Variants in PDE8B observed in about 807,000 individuals in gnomAD.
The protein encoded by PDE8B is phosphodiesterase 8B, also known as high affinity cAMP-specific and IBMX-insensitive 3',5'-cyclic phosphodiesterase 8B.
PDE8B carries 26 observed loss-of-function variants against 101.3 expected under a neutral mutation model. The observed-to-expected ratio is 0.26, with a 90% CI of 0.19 to 0.36. PDE8B has a LOEUF of 0.36. Among genes scored for constraint, PDE8B ranks in the 10% least tolerant of loss-of-function variants. The pLI is 1.00. For missense variants in PDE8B, 810 were observed against 1,163.1 expected, an observed-to-expected ratio of 0.70 and a Z score of 4.42; for synonymous variants, 424 against 429.3, an observed-to-expected ratio of 0.99 and a Z score of 0.15.
the PDE8B span, among the ~76,000 whole-genome samples, chr5:77,148,910 C>T: frequency 6.6e-6 from 1 of 152,122 alleles, no homozygotes; most frequent in African/African-American, 2.4e-5. Flanking sequence ...CTTCCTTTAA[C>T]TGTCATGATT....
chr5:77,378,010 A>C (rs1042768292), intron 10 of PDE8B, among the ~76,000 whole-genome samples: 10 of 23,614 alleles, frequency 4.2e-4, no homozygotes, highest in East Asian at 6.0e-3. Context: ...CTCTCTCTCT[A>C]CACACACACA....
intron 7 of PDE8B, among the ~76,000 whole-genome samples, chr5:77,347,159 T>TTACTTGCCA (rs1395427082): frequency 1.3e-5 from 2 of 152,262 alleles, no homozygotes; most frequent in African/African-American, 2.4e-5. Flanking sequence ...CACTTAATTG[T>TTACTTGCCA]TACTTGCCAT....
chr5:77,093,096 G>T, the PDE8B span, among the ~76,000 whole-genome samples: 1 of 152,192 alleles, frequency 6.6e-6, no homozygotes, highest in East Asian at 1.9e-4. Context: ...AGTAATGCTA[G>T]CCTCATAAAG....
the PDE8B span, among the ~76,000 whole-genome samples, chr5:77,177,974 G>T: frequency 1.3e-4 from 20 of 152,332 alleles, no homozygotes; most frequent in East Asian, 3.7e-3. Flanking sequence ...GGGGACTACT[G>T]TATGTGCAAA....
At chr5:77,351,214 T>C (rs985372419) in intron 9 of PDE8B, 61 bp downstream of exon 9, 13 of 1,258,608 alleles carry the variant, frequency 1.0e-5, no homozygotes, top group African/African-American at 1.5e-5. Flanking sequence ...CTCATGGGCA[T>C]TGGGCTTGAA....
intron 3 of PDE8B, among the ~76,000 whole-genome samples, chr5:77,325,987 C>G (rs1203228801): frequency 6.6e-6 from 1 of 152,074 alleles, no homozygotes; most frequent in Non-Finnish European, 1.5e-5. Flanking sequence ...AGGGTATTCC[C>G]CCCACCCTGT....
intron 10 of PDE8B, among the ~76,000 whole-genome samples, chr5:77,376,843 G>A (rs949423020): frequency 1.3e-5 from 2 of 152,074 alleles, no homozygotes; most frequent in African/African-American, 4.8e-5. Flanking sequence ...ATGAAGGCCT[G>A]GTGTCATTAA....
intron 17 of PDE8B, among the ~76,000 whole-genome samples, chr5:77,417,264 A>G (rs1463386948): frequency 6.6e-6 from 1 of 152,242 alleles, no homozygotes; most frequent in Non-Finnish European, 1.5e-5. Context: ...TACATTGGAC[A>G]GTGCTGCCCT....
the PDE8B span, among the ~76,000 whole-genome samples, chr5:77,176,276 C>T: frequency 6.4e-4 from 98 of 152,070 alleles, no homozygotes; most frequent in Non-Finnish European, 1.2e-3. Context: ...GGTTTTGTTG[C>T]CCTTTTCCAT....
chr5:77,315,700 T>A (rs1773645138), intron 2 of PDE8B, among the ~76,000 whole-genome samples: 1 of 152,264 alleles, frequency 6.6e-6, no homozygotes, highest in Admixed American at 6.5e-5. Flanking sequence ...ATCATCAATA[T>A]GTGTTAATAC....
At chr5:77,321,072 G>A (rs192757197) in intron 2 of PDE8B, among the ~76,000 whole-genome samples, 10 of 151,456 alleles carry the variant, frequency 6.6e-5, no homozygotes, top group African/African-American at 2.2e-4. Context: ...GGTGGCTTGC[G>A]AAGGGTGTCC....
chr5:77,416,895 T>A (rs1795681284), intron 17 of PDE8B, among the ~76,000 whole-genome samples: 1 of 152,140 alleles, frequency 6.6e-6, no homozygotes. Flanking sequence ...TCCCTCTCAC[T>A]ATCCCTTCAG....
chr5:77,370,190 C>G (rs1220973237), intron 10 of PDE8B, among the ~76,000 whole-genome samples: 1 of 152,138 alleles, frequency 6.6e-6, no homozygotes, highest in African/African-American at 2.4e-5. Context: ...AAGAAATGCA[C>G]AAATGGTAAG....
rs116623308 is a variant in PDE8B, at chr5:77,422,647, A to G, written c.2418+659A>G. On this transcript the variant is annotated intron_variant, in intron 20 of 21. Coordinates refer to ENST00000264917, the MANE Select transcript of PDE8B (RefSeq NM_003719.5). ...CAGTGTAGAGAGTTAAAGGAGAGAAATCTAGAAAGCAGTAGACTGTAAATG... is the reference window on the plus strand; with the variant it reads ...CAGTGTAGAGAGTTAAAGGAGAGAAGTCTAGAAAGCAGTAGACTGTAAATG... 4.3e-3 allele frequency among the ~76,000 whole-genome samples: 653 copies of G among 152,328 alleles called. 10 individuals carry two copies. The highest frequency in any genetic ancestry group is 0.015 in the African/African-American group (615 of 41,570).
intron 20 of PDE8B, among the ~76,000 whole-genome samples, chr5:77,423,571 T>C (rs1293281554): frequency 3.3e-5 from 5 of 151,936 alleles, no homozygotes; most frequent in African/African-American, 9.7e-5. Flanking sequence ...TTTGAGATGG[T>C]ATCTCATTGT....
At chr5:77,299,420 C>G (rs1339313319) in intron 1 of PDE8B, among the ~76,000 whole-genome samples, 1 of 115,536 alleles carries the variant, frequency 8.7e-6, no homozygotes, top group Non-Finnish European at 1.7e-5. Context: ...TATCCCTCCC[C>G]CCTCCCCCCA....
upstream of PDE8B, among the ~76,000 whole-genome samples, chr5:77,208,783 C>T (rs1747716861): frequency 6.6e-6 from 1 of 152,164 alleles, no homozygotes; most frequent in Non-Finnish European, 1.5e-5. Context: ...TGAAGAGAGC[C>T]ACCTTGCCCA....
chr5:77,425,641 A>T (rs1011420709), intron 20 of PDE8B, 126 bp from the exon 21 acceptor site: 31 of 935,068 alleles, frequency 3.3e-5, no homozygotes, highest in Non-Finnish European at 5.2e-5. Flanking sequence ...GACCTTGCTG[A>T]GCCTATTTCT....
chr5:77,192,522 T>G, the PDE8B span, among the ~76,000 whole-genome samples: 1 of 152,258 alleles, frequency 6.6e-6, no homozygotes, highest in Non-Finnish European at 1.5e-5. Context: ...CTTTTCATCT[T>G]TGAGTAGAAG....
Sources: gnomAD v4.1 joint callset for allele counts (sites outside exome capture counted in the v4.1 genomes callset) on GRCh38, gnomAD v4.1.1 for gene constraint, MANE v1.5 for transcripts, NCBI Gene and HGNC (gene_info 2026-07-23, HGNC 2026-07-21) for gene names.